The following C2CD3 variants were observed in gnomAD, a reference collection of about 807,000 sequenced individuals.
C2CD3 encodes C2 domain containing 3 centriole elongation regulator.
A neutral mutation model predicts 234.0 loss-of-function variants in C2CD3; 148 were observed. That is an observed-to-expected ratio of 0.63 (90% CI 0.55 to 0.72). C2CD3 has a LOEUF of 0.72. Among genes scored for constraint, C2CD3 ranks in the 30% least tolerant of loss-of-function variants. C2CD3 has a pLI of 0.00. For synonymous variants in C2CD3, 1,000 were observed against 1,035.4 expected, an observed-to-expected ratio of 0.97 and a Z score of 0.66; for missense variants, 2,577 against 2,811.5, an observed-to-expected ratio of 0.92 and a Z score of 1.89.
intron 20 of C2CD3, among the ~76,000 whole-genome samples, chr11:74,088,849 G>A (rs826055): frequency 0.37 from 55,613 of 151,926 alleles, 11,101 homozygotes; most frequent in African/African-American, 0.52. Flanking sequence ...CTTCTTTTAA[G>A]ACTCAGATTT....
At chr11:74,048,868 G>A (rs1351904814) in intron 27 of C2CD3, among the ~76,000 whole-genome samples, 1 of 138,684 alleles carries the variant, frequency 7.2e-6, no homozygotes, top group Non-Finnish European at 1.5e-5. Flanking sequence ...TAGAGGTCCC[G>A]TATTTTTGAT....
chr11:74,093,856 G>A lies in C2CD3; in HGVS notation c.3304C>T (p.Leu1102Phe), dbSNP rs768639202. ...LLLSAFSAQG[L>F]VPGGGVQFEI... ...AACTGGACTCCACCTCCAGGCACGA[G>A]GCCCTGTGCAGAGAAAGCACTTAGT... The change falls in exon 18 of 33, where the codon CTC becomes TTC. Residue 1102 changes from leucine (L) to phenylalanine (F), a missense_variant. Leu to Phe is a conservative substitution (Grantham distance 22). Transcript: ENST00000334126. 10 of 1,613,914 alleles carry A rather than the reference G, an allele frequency of 6.2e-6. No homozygotes were observed. The highest frequency in any genetic ancestry group is 1.3e-5 in the African/African-American group (1 of 74,910).
chr11:74,150,406 T>C (rs1398381286), intron 3 of C2CD3, among the ~76,000 whole-genome samples: 1 of 145,166 alleles, frequency 6.9e-6, no homozygotes, highest in Non-Finnish European at 1.5e-5. Flanking sequence ...GAGAATCACT[T>C]GAACCTGGGA....
intron 20 of C2CD3, among the ~76,000 whole-genome samples, chr11:74,086,423 C>G (rs901178998): frequency 4.6e-5 from 7 of 152,204 alleles, no homozygotes; most frequent in African/African-American, 1.7e-4. Flanking sequence ...AGCTGTCACT[C>G]ATTTTAGCCA....
chr11:74,160,385 A>G (rs1856375342), intron 3 of C2CD3, among the ~76,000 whole-genome samples: 1 of 152,212 alleles, frequency 6.6e-6, no homozygotes, highest in South Asian at 2.1e-4. Flanking sequence ...GTATATATAC[A>G]CGATGGAATA....
Position 74,078,250 on chromosome 11 carries a change from G to A in C2CD3, c.4468C>T (p.Leu1490=). ...SLLWYFREER[L]EIQVWRAYGN... ...TAAGCTCGCCACACTTGGATCTCTA[G>A]CCTCTCCTCCCTGAAGTACCAAAGC... The change falls in exon 23 of 33, where the codon CTA becomes TTA. Residue 1490 remains leucine (L), a synonymous_variant. Transcript: ENST00000334126. 5 of 1,614,076 alleles carry A rather than the reference G, an allele frequency of 3.1e-6. No individual in the cohort carries two copies. The highest frequency in any genetic ancestry group is 4.2e-6 in the Non-Finnish European group (5 of 1,180,008).
At chr11:74,153,745 A>G (rs531215851) in intron 3 of C2CD3, among the ~76,000 whole-genome samples, 6 of 152,206 alleles carry the variant, frequency 3.9e-5, no homozygotes, top group African/African-American at 1.4e-4. Flanking sequence ...AATTTTCAAT[A>G]AGAACAAAAT....
Position 74,055,229 on chromosome 11 carries a change from G to A in C2CD3, c.5091-558C>T, listed in dbSNP as rs115106467. Among the ~76,000 whole-genome samples the A allele has an allele frequency of 4.6e-5, 7 of 152,206 alleles. No individual in the cohort carries two copies. In the East Asian group the frequency reaches 5.8e-4, roughly 13 times the overall value. On this transcript the variant is annotated intron_variant, in intron 25 of 32. Coordinates refer to ENST00000334126, the MANE Select transcript of C2CD3 (RefSeq NM_001286577.2). ...CTTGAGGTCACTTAAGAGTCAGTAA[G>A]TAGTAGGGCTAGGATTTAAACCCTG...
intron 32 of C2CD3, among the ~76,000 whole-genome samples, chr11:74,027,489 T>C (rs2135407605): frequency 6.6e-6 from 1 of 152,328 alleles, no homozygotes; most frequent in South Asian, 2.1e-4. Context: ...ACAAAGTACT[T>C]GGAACAGTGC....
intron 20 of C2CD3, among the ~76,000 whole-genome samples, chr11:74,086,936 T>C (rs2135477163): frequency 6.6e-6 from 1 of 152,248 alleles, no homozygotes; most frequent in Admixed American, 6.5e-5. Flanking sequence ...CAGATCTGGG[T>C]TTGAATGCTG....
chr11:74,041,174 TCCAACA>T (rs1463597175), intron 29 of C2CD3, among the ~76,000 whole-genome samples: 2 of 152,122 alleles, frequency 1.3e-5, no homozygotes, highest in African/African-American at 4.8e-5. Flanking sequence ...CTTTCCTTCC[TCCAACA>T]CCTTTCACTT....
At chr11:74,125,029 G>T (rs1957362298) in intron 7 of C2CD3, among the ~76,000 whole-genome samples, 1 of 152,026 alleles carries the variant, frequency 6.6e-6, no homozygotes, top group Non-Finnish European at 1.5e-5. Flanking sequence ...TTAAATAAAA[G>T]AATACACATA....
In C2CD3 at chr11:74,028,336, C is replaced by T. The variant is rs747923767; in HGVS notation, c.6872G>A (p.Arg2291Gln). The change falls in exon 32 of 33, where the codon CGG (arginine) becomes CAG (glutamine). Residue 2291 changes from arginine to glutamine, a missense_variant. Transcript: ENST00000334126. ...CAAAGTTGCTGAGAGTGAAAGCATC[C>T]GCAGGGAAGCCTCCAACTGCTGGGG... ...LPPQQLEASL[R>Q]MLSLSATLPP... The T allele has an allele frequency of 7.2e-5, 110 of 1,535,890 alleles. No individual in the cohort carries two copies. The highest frequency in any genetic ancestry group is 8.6e-5 in the Non-Finnish European group (99 of 1,146,876).
chr11:74,091,850 T>C (rs1955904961), intron 19 of C2CD3, among the ~76,000 whole-genome samples: 1 of 152,190 alleles, frequency 6.6e-6, no homozygotes, highest in South Asian at 2.1e-4. Flanking sequence ...TCCATGGAGC[T>C]ATGAGTTTTC....
chr11:74,126,158 A>G (rs1957408464), intron 7 of C2CD3, among the ~76,000 whole-genome samples: 1 of 152,198 alleles, frequency 6.6e-6, no homozygotes, highest in South Asian at 2.1e-4. Context: ...TTAGGAGTGG[A>G]ATTTTAGGTT....
At position 74,037,631 on chromosome 11, in the gene C2CD3, G is replaced by C. The variant is rs150116588; in HGVS notation, c.5728C>G (p.Pro1910Ala). Residue 1910 changes from proline (P) to alanine (A), a missense_variant, in exon 30 of 33, where the codon CCC (proline) becomes GCC (alanine). Transcript: ENST00000334126. Reference sequence around the variant, plus strand: ...GCCGTTTGAGTCTGAGGGCTGAGGGGTAGGAAAGGCTTGGTGAGCTTCTGG... The same window carrying C: ...GCCGTTTGAGTCTGAGGGCTGAGGGCTAGGAAAGGCTTGGTGAGCTTCTGG... ...FRQKLTKPFL[P>A]LSPQTQTAIS... is the part of the protein sequence containing the mutation. 285 of 1,614,018 alleles carry C rather than the reference G, an allele frequency of 1.8e-4. No homozygotes were observed. The highest frequency in any genetic ancestry group is 4.9e-4 in the Middle Eastern group (3 of 6,084).
chr11:74,030,262 G>A (rs748591114), intron 31 of C2CD3, among the ~76,000 whole-genome samples: 4 of 152,020 alleles, frequency 2.6e-5, no homozygotes, highest in African/African-American at 4.8e-5. Context: ...ATTGTTTTAA[G>A]GATTAAATGA....
At chr11:74,152,023 G>A (rs1028842836) in intron 3 of C2CD3, among the ~76,000 whole-genome samples, 1 of 152,096 alleles carries the variant, frequency 6.6e-6, no homozygotes, top group African/African-American at 2.4e-5. Context: ...GAAATACACA[G>A]AGGATGAAAA....
At chr11:74,126,676 G>A (rs1957424125) in intron 7 of C2CD3, among the ~76,000 whole-genome samples, 2 of 152,250 alleles carry the variant, frequency 1.3e-5, no homozygotes, top group South Asian at 2.1e-4. Context: ...CCCAGAAAGT[G>A]GAGGTTGCAG....
Sources: allele counts gnomAD v4.1 joint callset (sites outside exome capture counted in the v4.1 genomes callset), GRCh38; gene constraint gnomAD v4.1.1; transcripts MANE v1.5; gene names NCBI Gene and HGNC (gene_info 2026-07-23, HGNC 2026-07-21).